The following HNRNPA0 variants were observed in gnomAD, a reference collection of about 807,000 sequenced individuals.
HNRNPA0 encodes hnRNA binding protein.
For synonymous variants in HNRNPA0, 243 were observed against 195.5 expected, an observed-to-expected ratio of 1.24 and a Z score of -2.03; for missense variants, 252 against 433.7, an observed-to-expected ratio of 0.58 and a Z score of 3.72.
In HNRNPA0 at chr5:137,745,715, G is replaced by A. The variant is rs1398838438; in HGVS notation, c.*7434C>T. 1 of 152,222 alleles carries A rather than the reference G, an allele frequency of 6.6e-6. No homozygotes were observed. Among genetic ancestry groups the A allele is most frequent in the Non-Finnish European group, 1.5e-5 (1 of 68,042 alleles). 9.4% of individuals were successfully genotyped at this position (152,222 alleles called of 1,614,324 possible). ...AAGTGTACACAGTTGGATCATACAG[G>A]AAAAAGACATAAGCAGAATCTGGAG... is the stretch of plus-strand genomic sequence containing the variant. On this transcript the variant is annotated 3_prime_UTR_variant, in exon 1 of 1. Coordinates refer to ENST00000314940, the MANE Select transcript of HNRNPA0 (RefSeq NM_006805.4).
In HNRNPA0 at chr5:137,753,581, C is replaced by T; in HGVS notation, c.486G>A (p.Pro162=). 6.2e-7 allele frequency: 1 copy of T among 1,614,058 alleles called. No homozygotes were observed. The highest frequency in any genetic ancestry group is 1.1e-5 in the South Asian group (1 of 91,078). Residue 162 remains proline (P), a synonymous_variant, in exon 1 of 1, where the codon CCG becomes CCA. Coordinates refer to ENST00000314940, the MANE Select transcript of HNRNPA0 (RefSeq NM_006805.4). The surrounding 1 kb of genome is among the most constrained non-coding windows in gnomAD (Gnocchi z 6.1). ...ADKAAVVKFH[P]IQGHRVEVKK... Reference sequence around the variant, plus strand: ...TCACCTCCACGCGATGGCCCTGAATCGGATGGAACTTGACCACCGCGGCCT... The same window carrying T: ...TCACCTCCACGCGATGGCCCTGAATTGGATGGAACTTGACCACCGCGGCCT...
chr5:137,750,892 A>G lies in HNRNPA0; in HGVS notation c.*2257T>C, dbSNP rs1753485232. Reference sequence around the variant, plus strand: ...CTTATTAAACTGAAAACCCTGAGAAAGGTGTACTATTCCAATTGACCCAGA... The same window carrying G: ...CTTATTAAACTGAAAACCCTGAGAAGGGTGTACTATTCCAATTGACCCAGA... On this transcript the variant is annotated 3_prime_UTR_variant, in exon 1 of 1. Coordinates refer to ENST00000314940, the MANE Select transcript of HNRNPA0 (RefSeq NM_006805.4). The G allele has an allele frequency of 6.6e-6, 1 of 152,150 alleles. No homozygotes were observed. Among genetic ancestry groups the G allele is most frequent in the Non-Finnish European group, 1.5e-5 (1 of 68,014 alleles). The allele number at this position is 152,150 out of a possible 1,614,324, so 9.4% of individuals were successfully genotyped here.
rs1753511948 is a variant in HNRNPA0 at position 137,752,291 on chromosome 5, G to C, written c.*858C>G. On this transcript the variant is annotated 3_prime_UTR_variant, in exon 1 of 1. Transcript: ENST00000314940. The stretch of plus-strand genomic sequence containing the variant: ...TGACATGCTTAACACAAACTATATA[G>C]AACTACACAGTACACAGTTTGAAGT... 6.6e-6 allele frequency: 1 copy of C among 152,076 alleles called. No individual in the cohort carries two copies. The highest frequency in any genetic ancestry group is 6.6e-5 in the Admixed American group (1 of 15,262). The allele number at this position is 152,076 out of a possible 1,614,324, so 9.4% of individuals were successfully genotyped here. A position where few individuals can be genotyped will look rare whatever the true frequency, so the allele number is the denominator to read the frequency against.
chr5:137,754,103 C>G lies in HNRNPA0; in HGVS notation c.-37G>C. ...GGGCCTTGCCCCCGCCCTGCGAGCT[C>G]CGAGGTTTCGCCGTCGCCGCCGTTA... On this transcript the variant is annotated 5_prime_UTR_variant, in exon 1 of 1. Coordinates refer to ENST00000314940, the MANE Select transcript of HNRNPA0 (RefSeq NM_006805.4). 1 of 1,567,312 alleles carries G rather than the reference C, an allele frequency of 6.4e-7. No homozygotes were observed. Among genetic ancestry groups the G allele is most frequent in the East Asian group, 2.3e-5 (1 of 43,554 alleles).
chr5:137,752,996 ACCC>A lies in HNRNPA0; in HGVS notation c.*150_*152del, dbSNP rs958665380. On this transcript the variant is annotated 3_prime_UTR_variant, in exon 1 of 1. Coordinates refer to ENST00000314940, the MANE Select transcript of HNRNPA0 (RefSeq NM_006805.4). ...AGAGGTGGCAGGCAAATAGAGGAAC[ACCC>A]CCAAGGGTAAGCAGCCTTAGAAGTG... is the stretch of plus-strand genomic sequence containing the variant. 2 of 700,590 alleles carry A rather than the reference ACCC, an allele frequency of 2.9e-6. No homozygotes were observed. The highest frequency in any genetic ancestry group is 4.6e-6 in the Non-Finnish European group (2 of 438,590). The allele number at this position is 700,590 out of a possible 1,614,324, so 43.4% of individuals were successfully genotyped here. A position where few individuals can be genotyped will look rare whatever the true frequency, so the allele number is the denominator to read the frequency against.
rs1052047159 is a variant in HNRNPA0, at chr5:137,748,881, T to C, written c.*4268A>G. ...CTTAATTTTCATCAGAGAATGTACATTCAATGACAATGGAGCTAACTCCAA... is the reference window on the plus strand; with the variant it reads ...CTTAATTTTCATCAGAGAATGTACACTCAATGACAATGGAGCTAACTCCAA... On this transcript the variant is annotated 3_prime_UTR_variant, in exon 1 of 1. Transcript: ENST00000314940. The C allele has an allele frequency of 6.6e-6, 1 of 152,152 alleles. No homozygotes were observed. Among genetic ancestry groups the C allele is most frequent in the Non-Finnish European group, 1.5e-5 (1 of 68,020 alleles). The allele number at this position is 152,152 out of a possible 1,614,324, so 9.4% of individuals were successfully genotyped here.
chr5:137,753,275 G>C lies in HNRNPA0; in HGVS notation c.792C>G (p.Ser264=). 6.2e-7 allele frequency: 1 copy of C among 1,602,942 alleles called. No individual in the cohort carries two copies. ...GFGSYSQHQS[S]YGPMKSGGGG... Reference sequence around the variant, plus strand: ...CGCCGCCGCTCTTCATGGGCCCATAGGAGGACTGATGCTGGCTGTAGCTGC... The same window carrying C: ...CGCCGCCGCTCTTCATGGGCCCATACGAGGACTGATGCTGGCTGTAGCTGC... Residue 264 remains serine, a synonymous_variant, in exon 1 of 1, where the codon TCC becomes TCG. Coordinates refer to ENST00000314940, the MANE Select transcript of HNRNPA0 (RefSeq NM_006805.4). This position sits in a 1 kb window ranked among gnomAD's most constrained non-coding sequence, Gnocchi z 6.1.
Position 137,754,178 on chromosome 5 carries a change from AC to A in HNRNPA0, c.-113del, listed in dbSNP as rs1487461308. The A allele has an allele frequency of 1.0e-5, 14 of 1,336,514 alleles. No individual in the cohort carries two copies. The highest frequency in any genetic ancestry group is 1.5e-5 in the African/African-American group (1 of 67,182). 82.8% of individuals were successfully genotyped at this position (1,336,514 alleles called of 1,614,324 possible). A position where few individuals can be genotyped will look rare whatever the true frequency, so the allele number is the denominator to read the frequency against. On this transcript the variant is annotated 5_prime_UTR_variant, in exon 1 of 1. Coordinates refer to ENST00000314940, the MANE Select transcript of HNRNPA0 (RefSeq NM_006805.4). ...CTTGGGCCCAGCCGTTGCTGGAGCC[AC>A]CCCCGCCGCTCACCGACGGGGAAGG... is the stretch of plus-strand genomic sequence containing the variant.
In HNRNPA0 at chr5:137,753,376, AGCCGCCGCCTCC is replaced by A. The variant is rs770088368; in HGVS notation, c.679_690del (p.Gly227_Gly230del). Reference sequence around the variant, plus strand: ...CCGCCGCCGCCTCCGTAGGCATTGTAGCCGCCGCCTCCGCCGCCGCCGTAACCACCGTAGCTG... The same window carrying A: ...CCGCCGCCGCCTCCGTAGGCATTGTAGCCGCCGCCGTAACCACCGTAGCTG... On this transcript the variant is annotated inframe_deletion, in exon 1 of 1. Coordinates refer to ENST00000314940, the MANE Select transcript of HNRNPA0 (RefSeq NM_006805.4). The surrounding 1 kb of genome is among the most constrained non-coding windows in gnomAD (Gnocchi z 6.1). 1.1e-4 allele frequency: 165 copies of A among 1,544,766 alleles called. 2 individuals carry two copies. The highest frequency in any genetic ancestry group is 1.0e-3 in the South Asian group (84 of 84,290).
Position 137,753,232 on chromosome 5 carries a change from T to C in HNRNPA0, c.835A>G (p.Ser279Gly). 1.2e-6 allele frequency: 2 copies of C among 1,612,200 alleles called. 1 individual carries two copies. The highest frequency in any genetic ancestry group is 3.3e-4 in the Middle Eastern group (2 of 6,056). The change falls in exon 1 of 1, where the codon AGT becomes GGT. Residue 279 changes from serine (S) to glycine (G), a missense_variant. Ser to Gly is a moderately conservative substitution (Grantham distance 56, BLOSUM62 0). Coordinates refer to ENST00000314940, the MANE Select transcript of HNRNPA0 (RefSeq NM_006805.4). The surrounding 1 kb of genome is among the most constrained non-coding windows in gnomAD (Gnocchi z 6.1). Reference sequence around the variant, plus strand: ...CTATTACTGCGACCGCCCCAGCTACTGCCTCCACCGCCGCCGCCGCCGCCG... The same window carrying C: ...CTATTACTGCGACCGCCCCAGCTACCGCCTCCACCGCCGCCGCCGCCGCCG... The part of the protein sequence containing the change: ...KSGGGGGGGG[S>G]SWGGRSNSGP...
chr5:137,752,149 G>C lies in HNRNPA0; in HGVS notation c.*1000C>G, dbSNP rs958947098. The C allele has an allele frequency of 6.7e-6, 1 of 149,914 alleles. No homozygotes were observed. Among genetic ancestry groups the C allele is most frequent in the Admixed American group, 6.7e-5 (1 of 14,996 alleles). 9.3% of individuals were successfully genotyped at this position (149,914 alleles called of 1,614,324 possible). A position where few individuals can be genotyped will look rare whatever the true frequency, so the allele number is the denominator to read the frequency against. On this transcript the variant is annotated 3_prime_UTR_variant, in exon 1 of 1. Coordinates refer to ENST00000314940, the MANE Select transcript of HNRNPA0 (RefSeq NM_006805.4). ...AAAAACGTTTAAACCTGCTCTGAAA[G>C]TACAAAAACGCATTTGAGGGTAAAA...
At position 137,748,157 on chromosome 5, in the gene HNRNPA0, C is replaced by T. The variant is rs1002568465; in HGVS notation, c.*4992G>A. ...CTCCATGTTTCTGCCTATCTGTCCT[C>T]CACCTAAAATGCCCTCTTTCTCCTC... is the stretch of plus-strand genomic sequence containing the variant. On this transcript the variant is annotated 3_prime_UTR_variant, in exon 1 of 1. Transcript: ENST00000314940. 9.9e-5 allele frequency: 15 copies of T among 152,208 alleles called. No homozygotes were observed. The highest frequency in any genetic ancestry group is 3.6e-4 in the African/African-American group (15 of 41,448). 9.4% of individuals were successfully genotyped at this position (152,208 alleles called of 1,614,324 possible).
chr5:137,746,916 T>C lies in HNRNPA0; in HGVS notation c.*6233A>G, dbSNP rs558101949. On this transcript the variant is annotated 3_prime_UTR_variant, in exon 1 of 1. Transcript: ENST00000314940. ...AGCTAGATCTTCACGTTTGGTGGTG[T>C]GGGAAGATCAAGTCATAAGAAAATG... 1 of 152,190 alleles carries C rather than the reference T, an allele frequency of 6.6e-6. No homozygotes were observed. Among genetic ancestry groups the C allele is most frequent in the South Asian group, 2.1e-4 (1 of 4,818 alleles). 9.4% of individuals were successfully genotyped at this position (152,190 alleles called of 1,614,324 possible).
In HNRNPA0 at chr5:137,747,390, T is replaced by C. The variant is rs1323322069; in HGVS notation, c.*5759A>G. On this transcript the variant is annotated 3_prime_UTR_variant, in exon 1 of 1. Coordinates refer to ENST00000314940, the MANE Select transcript of HNRNPA0 (RefSeq NM_006805.4). ...GCACAATGGCCATTTTGTAAAGCTATATGCGCAAGACACAATGCTTCAATG... is the reference window on the plus strand; with the variant it reads ...GCACAATGGCCATTTTGTAAAGCTACATGCGCAAGACACAATGCTTCAATG... 1 of 152,202 alleles carries C rather than the reference T, an allele frequency of 6.6e-6. No individual in the cohort carries two copies. Among genetic ancestry groups the C allele is most frequent in the Non-Finnish European group, 1.5e-5 (1 of 68,034 alleles). 9.4% of individuals were successfully genotyped at this position (152,202 alleles called of 1,614,324 possible). A position where few individuals can be genotyped will look rare whatever the true frequency, so the allele number is the denominator to read the frequency against.
Position 137,753,172 on chromosome 5 carries a change from C to T in HNRNPA0, c.895G>A (p.Gly299Ser), listed in dbSNP as rs547016012. The T allele has an allele frequency of 3.5e-5, 56 of 1,613,270 alleles. No homozygotes were observed. The South Asian group carries it at 5.4e-4, about 15-fold the overall frequency. ...PYRGGYGGGG[G>S]YGGSSF ...TTTTAGAAGGAGCTGCCTCCATAGC[C>T]ACCCCCACCGCCATAGCCGCCTCTG... Residue 299 changes from glycine (G) to serine (S), a missense_variant, in exon 1 of 1, where the codon GGC (glycine) becomes AGC (serine). By Grantham distance (56) the Gly-to-Ser change is moderately conservative. Transcript: ENST00000314940. The surrounding 1 kb of genome is among the most constrained non-coding windows in gnomAD (Gnocchi z 6.1).
chr5:137,751,682 A>G lies in HNRNPA0; in HGVS notation c.*1467T>C, dbSNP rs1378710484. On this transcript the variant is annotated 3_prime_UTR_variant, in exon 1 of 1. Transcript: ENST00000314940. The stretch of plus-strand genomic sequence containing the variant: ...CACTTTTGTTCTTCTCTTATAAACA[A>G]CAACTTGAATGCTATTGCAGGAAAG... The G allele has an allele frequency of 6.6e-6, 1 of 152,498 alleles. No individual in the cohort carries two copies. Among genetic ancestry groups the G allele is most frequent in the East Asian group, 1.9e-4 (1 of 5,188 alleles). 9.4% of individuals were successfully genotyped at this position (152,498 alleles called of 1,614,324 possible).
rs776898127 is a variant in HNRNPA0 at position 137,749,605 on chromosome 5, T to C, written c.*3544A>G. ...CAAAATAAGGCTGAGGAGGAAAATT[T>C]CCCCAATGATCACTCTTAAAGTGAT... On this transcript the variant is annotated 3_prime_UTR_variant, in exon 1 of 1. Coordinates refer to ENST00000314940, the MANE Select transcript of HNRNPA0 (RefSeq NM_006805.4). 1.3e-5 allele frequency: 2 copies of C among 152,174 alleles called. No individual in the cohort carries two copies. The highest frequency in any genetic ancestry group is 2.9e-5 in the Non-Finnish European group (2 of 68,004). The allele number at this position is 152,174 out of a possible 1,614,324, so 9.4% of individuals were successfully genotyped here.
In HNRNPA0 at chr5:137,746,361, TACA is replaced by T. The variant is rs999385836; in HGVS notation, c.*6785_*6787del. 5 of 152,180 alleles carry T rather than the reference TACA, an allele frequency of 3.3e-5. No individual in the cohort carries two copies. The highest frequency in any genetic ancestry group is 5.9e-5 in the Non-Finnish European group (4 of 68,034). 9.4% of individuals were successfully genotyped at this position (152,180 alleles called of 1,614,324 possible). On this transcript the variant is annotated 3_prime_UTR_variant, in exon 1 of 1. Coordinates refer to ENST00000314940, the MANE Select transcript of HNRNPA0 (RefSeq NM_006805.4). ...TTCATTTAGTGAAAACCAAAATCCT[TACA>T]ACAACCTACAAATCCCTACATGATC...
In HNRNPA0 at chr5:137,753,566, G is replaced by T. The variant is rs1753550653; in HGVS notation, c.501C>A (p.Arg167=). The T allele has an allele frequency of 1.2e-6, 2 of 1,613,396 alleles. No individual in the cohort carries two copies. Among genetic ancestry groups the T allele is most frequent in the Admixed American group, 1.7e-5 (1 of 60,006 alleles). The stretch of plus-strand genomic sequence containing the variant: ...TGGGGACTGCTTTCTTCACCTCCAC[G>T]CGATGGCCCTGAATCGGATGGAACT... ...VVKFHPIQGH[R]VEVKKAVPKE... The change falls in exon 1 of 1, where the codon CGC becomes CGA. Residue 167 remains arginine (R), a synonymous_variant. Coordinates refer to ENST00000314940, the MANE Select transcript of HNRNPA0 (RefSeq NM_006805.4). The surrounding 1 kb of genome is among the most constrained non-coding windows in gnomAD (Gnocchi z 6.1).
Sources: gnomAD v4.1 joint callset for allele counts on GRCh38, gnomAD v4.1.1 for gene constraint, Gnocchi (gnomAD v3.1) non-coding constraint, MANE v1.5 for transcripts, NCBI Gene and HGNC (gene_info 2026-07-23, HGNC 2026-07-21) for gene names.